Variants in NTNG1 observed in about 807,000 individuals in gnomAD.
The protein encoded by NTNG1 is netrin G1.
NTNG1 carries 16 observed loss-of-function variants against 54.0 expected under a neutral mutation model. The ratio of observed to expected loss-of-function variants is 0.30; its 90% CI spans 0.20 to 0.45. NTNG1 has a LOEUF of 0.45. NTNG1 is among the 20% of genes least tolerant of loss of function. The pLI, the probability that NTNG1 is intolerant of heterozygous loss-of-function variation, is 1.00. For missense variants in NTNG1, 530 were observed against 678.7 expected, an observed-to-expected ratio of 0.78 and a Z score of 2.43; for synonymous variants, 255 against 263.1, an observed-to-expected ratio of 0.97 and a Z score of 0.30.
intron 5 of NTNG1, among the ~76,000 whole-genome samples, chr1:107,416,974 C>T (rs554857054): frequency 1.3e-5 from 2 of 152,038 alleles, no homozygotes; most frequent in Non-Finnish European, 2.9e-5. Flanking sequence ...AAAACAATTT[C>T]TGGGAATACA....
At chr1:107,278,350 A>T (rs1664613353) in intron 2 of NTNG1, among the ~76,000 whole-genome samples, 1 of 152,210 alleles carries the variant, frequency 6.6e-6, no homozygotes, top group Non-Finnish European at 1.5e-5. Flanking sequence ...GTACTCTCTT[A>T]CATGTTGTCT....
intron 3 of NTNG1, among the ~76,000 whole-genome samples, chr1:107,352,265 C>T (rs12039099): frequency 0.087 from 13,185 of 152,208 alleles, 656 homozygotes; most frequent in East Asian, 0.16. Flanking sequence ...CCACATTTCC[C>T]CTCTGCACTA....
intron 2 of NTNG1, among the ~76,000 whole-genome samples, chr1:107,285,582 C>T (rs1665143240): frequency 6.6e-6 from 1 of 152,078 alleles, no homozygotes; most frequent in African/African-American, 2.4e-5. Context: ...AGTGTTTCTG[C>T]ATACAATCAG....
chr1:107,399,101 A>G (rs1485842821), intron 4 of NTNG1, among the ~76,000 whole-genome samples: 2 of 129,114 alleles, frequency 1.5e-5, no homozygotes, highest in Non-Finnish European at 3.6e-5. Context: ...GCTAAGTCTG[A>G]AAAATGCTGT....
intron 2 of NTNG1, among the ~76,000 whole-genome samples, chr1:107,238,973 A>G (rs1318131567): frequency 6.6e-6 from 1 of 152,100 alleles, no homozygotes; most frequent in Non-Finnish European, 1.5e-5. Context: ...GCGAAGACAA[A>G]CTGTTATCAC....
chr1:107,159,150 G>A (rs1655221356), intron 2 of NTNG1, among the ~76,000 whole-genome samples: 1 of 152,172 alleles, frequency 6.6e-6, no homozygotes, highest in African/African-American at 2.4e-5. Context: ...ATGACATAGA[G>A]AAAATGAGTT....
intron 7 of NTNG1, among the ~76,000 whole-genome samples, chr1:107,450,284 G>T (rs1330454755): frequency 6.6e-6 from 1 of 152,082 alleles, no homozygotes; most frequent in Non-Finnish European, 1.5e-5. Context: ...TTGTTGCACA[G>T]ACAAATATTT....
At chr1:107,303,749 C>T (rs115693025) in intron 2 of NTNG1, among the ~76,000 whole-genome samples, 4 of 152,014 alleles carry the variant, frequency 2.6e-5, no homozygotes, top group South Asian at 4.2e-4. Context: ...TGCAGTGGAA[C>T]GATCTCGGCT....
At chr1:107,370,730 G>A (rs569836456) in intron 3 of NTNG1, among the ~76,000 whole-genome samples, 2 of 151,868 alleles carry the variant, frequency 1.3e-5, no homozygotes, top group African/African-American at 2.4e-5. Flanking sequence ...CCATGGACAA[G>A]GTATATTTCT....
At chr1:107,231,418 G>A (rs1158195162) in intron 2 of NTNG1, among the ~76,000 whole-genome samples, 5 of 152,044 alleles carry the variant, frequency 3.3e-5, no homozygotes, top group Non-Finnish European at 7.4e-5. Context: ...GGTAAATGGT[G>A]GTTAATTCAG....
chr1:107,406,988 T>G (rs1333590239), intron 4 of NTNG1, among the ~76,000 whole-genome samples: 1 of 152,156 alleles, frequency 6.6e-6, no homozygotes, highest in Non-Finnish European at 1.5e-5. Context: ...CCAGCCATAT[T>G]CTGAAATGGC....
At chr1:107,407,867 T>G (rs1415409397) in intron 5 of NTNG1, 159 bp downstream of exon 5, 1 of 763,696 alleles carries the variant, frequency 1.3e-6, no homozygotes, top group Admixed American at 1.7e-5. Flanking sequence ...TGCACAGATC[T>G]GGTGAGAACA....
At chr1:107,178,207 A>G (rs1176306563) in intron 2 of NTNG1, among the ~76,000 whole-genome samples, 3 of 152,206 alleles carry the variant, frequency 2.0e-5, no homozygotes, top group African/African-American at 7.2e-5. Flanking sequence ...GTTTAGATCT[A>G]TAATTTTATT....
intron 3 of NTNG1, among the ~76,000 whole-genome samples, chr1:107,374,123 A>G (rs1283980446): frequency 2.0e-5 from 3 of 152,142 alleles, no homozygotes; most frequent in African/African-American, 4.8e-5. Context: ...ATTGTTTTCA[A>G]AAAGAAATCT....
At chr1:107,467,680 G>T (rs1677695480) in intron 7 of NTNG1, among the ~76,000 whole-genome samples, 1 of 152,198 alleles carries the variant, frequency 6.6e-6, no homozygotes, top group Non-Finnish European at 1.5e-5. Flanking sequence ...TTTGTAAGTG[G>T]GAAAGACAAT....
At chr1:107,235,728 C>T (rs554638378) in intron 2 of NTNG1, among the ~76,000 whole-genome samples, 7 of 152,236 alleles carry the variant, frequency 4.6e-5, no homozygotes, top group African/African-American at 1.7e-4. Flanking sequence ...CCAATCTCAT[C>T]TAATAGAGAA....
At chr1:107,294,370 G>A (rs1309643376) in intron 2 of NTNG1, among the ~76,000 whole-genome samples, 3 of 152,170 alleles carry the variant, frequency 2.0e-5, no homozygotes, top group Admixed American at 6.5e-5. Flanking sequence ...ACCCCCGAGG[G>A]AGTCCCATAG....
chr1:107,280,180 C>A (rs1664749685), intron 2 of NTNG1, among the ~76,000 whole-genome samples: 1 of 98,304 alleles, frequency 1.0e-5, no homozygotes. Flanking sequence ...TTTTCCCTCA[C>A]TGTTTTGGTT....
chr1:107,209,594 G>A (rs1040052463), intron 2 of NTNG1, among the ~76,000 whole-genome samples: 2 of 152,164 alleles, frequency 1.3e-5, no homozygotes, highest in East Asian at 1.9e-4. Flanking sequence ...CAATAATTGC[G>A]CCTCATCCTC....
Sources: allele counts gnomAD v4.1 joint callset (sites outside exome capture counted in the v4.1 genomes callset), GRCh38; gene constraint gnomAD v4.1.1; transcripts MANE v1.5; gene names NCBI Gene and HGNC (gene_info 2026-07-23, HGNC 2026-07-21).